Variants in SYT14 observed in about 807,000 individuals in gnomAD.
SYT14 encodes synaptotagmin 14, also known as synaptotagmin-14.
A neutral mutation model predicts 74.2 loss-of-function variants in SYT14; 32 were observed. The observed-to-expected ratio is 0.43, with a 90% confidence interval of 0.33 to 0.58. The LOEUF is 0.58. Ranked by LOEUF, SYT14 falls within the 20% of genes least tolerant of loss-of-function variation. SYT14 has a pLI of 0.05. For missense variants in SYT14, 791 were observed against 981.8 expected, an observed-to-expected ratio of 0.81 and a Z score of 2.60; for synonymous variants, 298 against 337.7, an observed-to-expected ratio of 0.88 and a Z score of 1.29.
chr1:210,040,950 T>C (rs2080775917), intron 5 of SYT14, among the ~76,000 whole-genome samples: 1 of 152,184 alleles, frequency 6.6e-6, no homozygotes, highest in Admixed American at 6.6e-5. Context: ...TCTCTGTTCT[T>C]CTACGGGAGT....
chr1:209,958,584 T>C (rs933896731), intron 2 of SYT14, among the ~76,000 whole-genome samples: 1 of 152,200 alleles, frequency 6.6e-6, no homozygotes, highest in African/African-American at 2.4e-5. Flanking sequence ...TCTATAATGA[T>C]CTTGCATTTT....
Position 210,021,097 on chromosome 1 carries a change from G to A in SYT14, c.1155G>A (p.Ala385=), listed in dbSNP as rs141974517. 6.9e-5 allele frequency: 112 copies of A among 1,613,906 alleles called. No individual in the cohort carries two copies. Among genetic ancestry groups the A allele is most frequent in the African/African-American group, 3.7e-4 (28 of 75,004 alleles). Residue 385 remains alanine (A), a synonymous_variant, in exon 5 of 10, where the codon GCG becomes GCA. Transcript: ENST00000637265. ...CATCCTCTGAAAGTGAAGATGAAGCGCTGGGTAAATATCATGAGGCCTTAT... is the reference window on the plus strand; with the variant it reads ...CATCCTCTGAAAGTGAAGATGAAGCACTGGGTAAATATCATGAGGCCTTAT...
At chr1:210,067,004 G>A (rs766933066) in intron 5 of SYT14, among the ~76,000 whole-genome samples, 1 of 151,788 alleles carries the variant, frequency 6.6e-6, no homozygotes, top group Admixed American at 6.6e-5. Flanking sequence ...ATAAGATAAG[G>A]GTCTAATTTC....
chr1:210,041,161 C>T (rs956982975), intron 5 of SYT14, among the ~76,000 whole-genome samples: 1 of 152,182 alleles, frequency 6.6e-6, no homozygotes, highest in East Asian at 1.9e-4. Flanking sequence ...AAGATGTCTC[C>T]TCTGATGTTG....
At chr1:210,024,787 C>T (rs948891397) in intron 5 of SYT14, among the ~76,000 whole-genome samples, 2 of 151,964 alleles carry the variant, frequency 1.3e-5, no homozygotes, top group African/African-American at 4.8e-5. Flanking sequence ...CATGTAAAGA[C>T]ACAAAGAAAC....
chr1:210,115,127 T>G (rs2082333765), intron 7 of SYT14, among the ~76,000 whole-genome samples: 1 of 151,396 alleles, frequency 6.6e-6, no homozygotes, highest in Admixed American at 6.6e-5. Context: ...AAATCGAAAG[T>G]GCCATTTTCT....
At chr1:210,011,166 T>G (rs2102912776) in intron 2 of SYT14, among the ~76,000 whole-genome samples, 1 of 152,322 alleles carries the variant, frequency 6.6e-6, no homozygotes, top group South Asian at 2.1e-4. Context: ...ATATATTTTG[T>G]TATTACAGTG....
In SYT14 at chr1:210,013,516, C is replaced by T. The variant is rs965918545; in HGVS notation, c.-485-117C>T. 6 of 1,019,374 alleles carry T rather than the reference C, an allele frequency of 5.9e-6. No individual in the cohort carries two copies. In the African/African-American group the frequency reaches 9.8e-5, roughly 17 times the overall value. The allele number at this position is 1,019,374 out of a possible 1,614,324, so 63.1% of individuals were successfully genotyped here. ...AAACGAAACTGTTTTTAAACTATGA[C>T]AATTAAAAAATATAATTCAAATAAG... On this transcript the variant is annotated intron_variant, in intron 2 of 9. Coordinates refer to ENST00000637265, the Ensembl canonical transcript of SYT14.
intron 7 of SYT14, among the ~76,000 whole-genome samples, chr1:210,151,496 A>G (rs2083159409): frequency 7.3e-6 from 1 of 136,830 alleles, no homozygotes; most frequent in Non-Finnish European, 1.5e-5. Context: ...CTGAAATTAT[A>G]GGCGAATGCC....
intron 7 of SYT14, among the ~76,000 whole-genome samples, chr1:210,141,550 C>T (rs997021705): frequency 5.9e-5 from 9 of 152,176 alleles, no homozygotes; most frequent in African/African-American, 1.7e-4. Flanking sequence ...CTAGACTAGT[C>T]GCCCCCATAG....
At chr1:210,050,517 T>C (rs985034029) in intron 5 of SYT14, among the ~76,000 whole-genome samples, 1 of 152,218 alleles carries the variant, frequency 6.6e-6, no homozygotes, top group Admixed American at 6.5e-5. Context: ...TTTTTGGTTA[T>C]CTTTTCAGCA....
rs528673215 is a variant in SYT14 at position 209,975,926 on chromosome 1, T to A, written c.-486+23170T>A. On this transcript the variant is annotated intron_variant, in intron 2 of 9. Transcript: ENST00000637265. Reference sequence around the variant, plus strand: ...GAGATTCAACTTTTTGCTGATTTAGTCTTGGGAGGGTGTATGTGTCGAGGA... The same window carrying A: ...GAGATTCAACTTTTTGCTGATTTAGACTTGGGAGGGTGTATGTGTCGAGGA... 4.9e-4 allele frequency among the ~76,000 whole-genome samples: 75 copies of A among 152,310 alleles called. 1 individual carries two copies. Among genetic ancestry groups the A allele is most frequent in the Non-Finnish European group, 4.4e-5 (3 of 68,022 alleles).
rs1234014378 is a variant in SYT14 at position 210,013,626 on chromosome 1, T to TC, written c.-485-6dup. 6.2e-7 allele frequency: 1 copy of TC among 1,609,846 alleles called. No individual in the cohort carries two copies. The highest frequency in any genetic ancestry group is 8.5e-7 in the Non-Finnish European group (1 of 1,179,252). ...ATGCTTACAGCTGTGACTTTTTTTT[T>TC]CTCTAGTATCTCCAGAGGCAGTTGG... On this transcript the variant is annotated splice_region_variant and splice_polypyrimidine_tract_variant and intron_variant, in intron 2 of 9. Transcript: ENST00000637265.
intron 5 of SYT14, among the ~76,000 whole-genome samples, chr1:210,067,393 G>T (rs942434942): frequency 5.9e-5 from 9 of 151,982 alleles, no homozygotes; most frequent in Non-Finnish European, 1.0e-4. Flanking sequence ...GGAGGATATT[G>T]CCATCTTAAT....
At chr1:210,058,057 G>A (rs2081132990) in intron 5 of SYT14, among the ~76,000 whole-genome samples, 1 of 152,186 alleles carries the variant, frequency 6.6e-6, no homozygotes, top group Admixed American at 6.5e-5. Flanking sequence ...GTATCAGGAT[G>A]TTTAATGGGA....
At chr1:210,088,225 G>A (rs1201095525) in intron 5 of SYT14, among the ~76,000 whole-genome samples, 1 of 144,624 alleles carries the variant, frequency 6.9e-6, no homozygotes, top group Non-Finnish European at 1.5e-5. Context: ...TATACTTTAA[G>A]TTCTGGGATA....
intron 7 of SYT14, among the ~76,000 whole-genome samples, chr1:210,152,940 A>G (rs1464453349): frequency 2.0e-5 from 3 of 151,938 alleles, no homozygotes; most frequent in African/African-American, 7.3e-5. Context: ...TGGGCCCAAC[A>G]TGTTTTACTT....
chr1:209,949,621 T>G (rs1217926957), intron 1 of SYT14, among the ~76,000 whole-genome samples: 2 of 152,124 alleles, frequency 1.3e-5, no homozygotes, highest in Non-Finnish European at 2.9e-5. Context: ...GTAATAAATT[T>G]ATATGACTTT....
intron 5 of SYT14, among the ~76,000 whole-genome samples, chr1:210,050,730 A>G (rs1012651327): frequency 6.6e-6 from 1 of 152,228 alleles, no homozygotes; most frequent in Non-Finnish European, 1.5e-5. Context: ...GAGCTTGTAC[A>G]GGGAAACTCC....
Sources: allele counts gnomAD v4.1 joint callset (sites outside exome capture counted in the v4.1 genomes callset), GRCh38; gene constraint gnomAD v4.1.1; transcripts MANE v1.5; gene names NCBI Gene and HGNC (gene_info 2026-07-23, HGNC 2026-07-21).